Variants in PCDHA1 observed in about 807,000 individuals in gnomAD.
PCDHA1 encodes the protein protocadherin alpha-1.
PCDHA1 carries 42 observed loss-of-function variants against 61.3 expected under a neutral mutation model. That is an observed-to-expected ratio of 0.69 (90% CI 0.54 to 0.89). The LOEUF (loss-of-function observed/expected upper bound fraction) is 0.89, where lower values mean the gene tolerates loss of function less well. Ranked by LOEUF, PCDHA1 falls within the 40% of genes least tolerant of loss-of-function variation. PCDHA1 has a pLI of 0.00. For synonymous variants in PCDHA1, 610 were observed against 553.8 expected (o/e 1.10, Z -1.43); for missense variants, 1,256 against 1,235.3 (o/e 1.02, Z -0.25).
chr5:140,835,972 T>G (rs2150249264), intron 1 of PCDHA1: 2 of 1,613,340 alleles, frequency 1.2e-6, no homozygotes, highest in South Asian at 2.2e-5. Context: ...GAGCTGGAGC[T>G]GTTGCAGTTC....
chr5:140,870,197 G>A lies in PCDHA1; in HGVS notation c.2394+81513G>A. The stretch of plus-strand genomic sequence containing the variant: ...CCAGTACGAGAGGACGCTCAGCCCA[G>A]CACGGTCATTGCCCTGATCAGCGTG... On this transcript the variant is annotated intron_variant, in intron 1 of 3. Coordinates refer to ENST00000504120, the MANE Select transcript of PCDHA1 (RefSeq NM_018900.4). 1 of 1,614,174 alleles carries A rather than the reference G, an allele frequency of 6.2e-7. No individual in the cohort carries two copies. Among genetic ancestry groups the A allele is most frequent in the East Asian group, 2.2e-5 (1 of 44,880 alleles).
At chr5:140,990,542 C>T (rs2097399330) in intron 3 of PCDHA1, among the ~76,000 whole-genome samples, 1 of 152,180 alleles carries the variant, frequency 6.6e-6, no homozygotes, top group South Asian at 2.1e-4. Context: ...ATCATAGATA[C>T]TGTATTACCC....
chr5:140,828,024 C>A, intron 1 of PCDHA1: 1 of 1,516,842 alleles, frequency 6.6e-7, no homozygotes, highest in Non-Finnish European at 8.8e-7. Context: ...TAATAAATTC[C>A]GGAACATACA....
At chr5:140,877,909 C>G in intron 1 of PCDHA1, 4 of 1,432,580 alleles carry the variant, frequency 2.8e-6, no homozygotes, top group Non-Finnish European at 3.7e-6. Context: ...TAACTACATT[C>G]TCTCATTTTT....
At chr5:140,851,474 T>C in intron 1 of PCDHA1, 9 of 889,824 alleles carry the variant, frequency 1.0e-5, no homozygotes, top group Non-Finnish European at 1.2e-5. Context: ...TCAATAAATG[T>C]TATAAACACA....
intron 1 of PCDHA1, among the ~76,000 whole-genome samples, chr5:140,887,368 T>C (rs2061428699): frequency 6.6e-6 from 1 of 152,174 alleles, no homozygotes; most frequent in Non-Finnish European, 1.5e-5. Context: ...AGTGCTGGGA[T>C]TACAGGTGTG....
chr5:140,804,916 C>T (rs1763478341), intron 1 of PCDHA1: 4 of 946,484 alleles, frequency 4.2e-6, no homozygotes, highest in Middle Eastern at 3.4e-4. Context: ...TCTTTATTTC[C>T]TTTTTTGGCA....
chr5:140,871,287 G>C (rs782751803), intron 1 of PCDHA1: 2 of 1,613,932 alleles, frequency 1.2e-6, no homozygotes, highest in Middle Eastern at 1.7e-4. Context: ...CGCCCACTGA[G>C]GGCGCGTGCG....
At chr5:140,968,050 C>T (rs782392575) in intron 1 of PCDHA1, 12 of 1,614,178 alleles carry the variant, frequency 7.4e-6, no homozygotes, top group Admixed American at 1.7e-5. Flanking sequence ...GCCCACTGGA[C>T]CGAGAGCGGG....
chr5:140,876,467 G>T, intron 1 of PCDHA1: 1 of 1,614,020 alleles, frequency 6.2e-7, no homozygotes, highest in Non-Finnish European at 8.5e-7. Flanking sequence ...TCCATGGCAG[G>T]TCACAGCATG....
At chr5:140,958,495 C>A (rs559117374) in intron 1 of PCDHA1, among the ~76,000 whole-genome samples, 1 of 152,020 alleles carries the variant, frequency 6.6e-6, no homozygotes, top group Non-Finnish European at 1.5e-5. Flanking sequence ...TCCACATATC[C>A]TAGGAGGCAT....
chr5:140,795,995 A>G (rs1295846717), intron 1 of PCDHA1: 1 of 1,614,056 alleles, frequency 6.2e-7, no homozygotes, highest in Non-Finnish European at 8.5e-7. Context: ...GTGGACATCA[A>G]TGATAACACA....
intron 1 of PCDHA1, chr5:140,858,285 G>T: frequency 6.3e-7 from 1 of 1,597,520 alleles, no homozygotes; most frequent in Non-Finnish European, 8.6e-7. Flanking sequence ...GTGGGGAGCT[G>T]GTCTTACTCG....
At chr5:140,847,405 A>T (rs2150400080) in intron 1 of PCDHA1, 5 of 149,702 alleles carry the variant, frequency 3.3e-5, no homozygotes, top group African/African-American at 1.2e-4. Context: ...GGCACAATAA[A>T]CACTCACGGT....
At chr5:140,869,433 G>A in intron 1 of PCDHA1, 2 of 1,614,226 alleles carry the variant, frequency 1.2e-6, no homozygotes, top group Non-Finnish European at 1.7e-6. Context: ...AGGTGATCGT[G>A]GACAGGCCGC....
At chr5:140,934,129 T>G (rs150501213) in intron 1 of PCDHA1, among the ~76,000 whole-genome samples, 326 of 152,294 alleles carry the variant, frequency 2.1e-3, no homozygotes, top group African/African-American at 7.4e-3. Context: ...CTTTATTAAT[T>G]TATTTCCTTC....
rs1563186680 is a variant in PCDHA1 at position 140,941,223 on chromosome 5, C to CTTTCTT, written c.2395-37724_2395-37719dup. Among the ~76,000 whole-genome samples the CTTTCTT allele has an allele frequency of 6.9e-4, 92 of 132,548 alleles. 1 individual carries two copies. The highest frequency in any genetic ancestry group is 2.7e-3 in the African/African-American group (88 of 33,182). The allele number at this position is 132,548 out of a possible 152,430, so 87.0% of individuals were successfully genotyped here. A position where few individuals can be genotyped will look rare whatever the true frequency, so the allele number is the denominator to read the frequency against. ...TCTTCCTTTCTTTCTTCCTTTCTTT[C>CTTTCTT]TTTCTTTCTTTCTTTCTTTCTTTCT... On this transcript the variant is annotated intron_variant, in intron 1 of 3. Coordinates refer to ENST00000504120, the MANE Select transcript of PCDHA1 (RefSeq NM_018900.4).
intron 1 of PCDHA1, chr5:140,813,779 T>TA (rs1765377649): frequency 6.6e-6 from 1 of 152,298 alleles, no homozygotes; most frequent in Admixed American, 6.5e-5. Flanking sequence ...GAGGATCACT[T>TA]AAGCCCAGGA....
intron 1 of PCDHA1, among the ~76,000 whole-genome samples, chr5:140,953,085 A>G (rs1197965470): frequency 2.0e-5 from 3 of 152,246 alleles, no homozygotes; most frequent in African/African-American, 4.8e-5. Flanking sequence ...ATTGGGGATT[A>G]CAATTTGACA....
Sources: allele counts gnomAD v4.1 joint callset (sites outside exome capture counted in the v4.1 genomes callset), GRCh38; gene constraint gnomAD v4.1.1; transcripts MANE v1.5; gene names NCBI Gene and HGNC (gene_info 2026-07-23, HGNC 2026-07-21).